SP140L: variants seen among roughly 807,000 people sequenced by gnomAD.
The protein encoded by SP140L is SP140 like nuclear body protein, also known as nuclear body protein SP140-like protein.
Under a neutral mutation model 84.3 loss-of-function variants are expected in SP140L, and 64 were observed. The ratio of observed to expected loss-of-function variants is 0.76; its 90% CI spans 0.62 to 0.94. The LOEUF is 0.94. Among genes scored for constraint, SP140L ranks in the 40% least tolerant of loss-of-function variants. SP140L has a pLI of 0.00. For missense variants in SP140L, 628 were observed against 692.5 expected (o/e 0.91, Z 1.05); for synonymous variants, 242 against 236.9 (o/e 1.02, Z -0.20).
rs769741654 is a variant in SP140L, at chr2:230,400,136, T to C, written c.1207T>C (p.Leu403=). The C allele has an allele frequency of 3.7e-6, 6 of 1,614,018 alleles. No individual in the cohort carries two copies. The highest frequency in any genetic ancestry group is 2.7e-5 in the African/African-American group (2 of 74,932). The part of the protein sequence containing the change: ...NSSVDPCMRN[L]DECEVCRDGG... ...CTGTTTTACCTTCTAGATGAGAAAC[T>C]TGGATGAGTGTGAGGTGTGCCGGGA... Residue 403 remains leucine, a synonymous_variant, in exon 15 of 19, where the codon TTG becomes CTG. Coordinates refer to ENST00000415673, the MANE Select transcript of SP140L (RefSeq NM_138402.6).
chr2:230,390,063 G>A (rs768107975), intron 11 of SP140L, 40 bp downstream of exon 11: 12 of 1,535,970 alleles, frequency 7.8e-6, no homozygotes, highest in Non-Finnish European at 2.7e-6. Flanking sequence ...GCTCCTATCT[G>A]AAGGCATCAC....
intron 10 of SP140L, 26 bp from the exon 11 acceptor site, chr2:230,389,893 C>A (rs747527698): frequency 6.2e-7 from 1 of 1,609,532 alleles, no homozygotes; most frequent in South Asian, 1.1e-5. Context: ...CAAAGTGAGA[C>A]AGAATGAAGA....
chr2:230,369,712 C>A (rs2060993326), intron 5 of SP140L, among the ~76,000 whole-genome samples: 1 of 152,142 alleles, frequency 6.6e-6, no homozygotes, highest in Admixed American at 6.5e-5. Context: ...TATAAGTAAT[C>A]AATGGCCAAT....
Position 230,359,000 on chromosome 2 carries a change from C to A in SP140L, c.307C>A (p.Gln103Lys). Residue 103 changes from glutamine to lysine, a missense_variant, in exon 4 of 19, where the codon CAA becomes AAA. By Grantham distance (53) the Gln-to-Lys change is moderately conservative (BLOSUM62 1). This residue lies in a region of SP140L where 525 missense variants were observed against 518.4 expected (regional missense o/e 1.01). Coordinates refer to ENST00000415673, the MANE Select transcript of SP140L (RefSeq NM_138402.6). Reference sequence around the variant, plus strand: ...TTCTTGTAGAAACCTGGTCCCTGTACAAAGAGTGGTGTACAATGTTCTCAG... The same window carrying A: ...TTCTTGTAGAAACCTGGTCCCTGTAAAAAGAGTGGTGTACAATGTTCTCAG... ...EDSCRNLVPVQRVVYNVLSEL... is the reference protein window; with the variant it reads ...EDSCRNLVPVKRVVYNVLSEL... The A allele has an allele frequency of 6.2e-7, 1 of 1,607,540 alleles. No individual in the cohort carries two copies. The highest frequency in any genetic ancestry group is 8.5e-7 in the Non-Finnish European group (1 of 1,178,158).
At chr2:230,345,853 T>C (rs978768402) in intron 2 of SP140L, among the ~76,000 whole-genome samples, 1 of 152,180 alleles carries the variant, frequency 6.6e-6, no homozygotes, top group African/African-American at 2.4e-5. Flanking sequence ...ACTATAGTTA[T>C]ACTTATTTAA....
intron 7 of SP140L, among the ~76,000 whole-genome samples, chr2:230,378,966 A>G (rs181638151): frequency 6.6e-6 from 1 of 152,340 alleles, no homozygotes; most frequent in Admixed American, 6.5e-5. Flanking sequence ...ATGACTTTAT[A>G]ACCTCTTAGT....
At chr2:230,355,397 G>T (rs1050448124) in intron 2 of SP140L, among the ~76,000 whole-genome samples, 1 of 152,164 alleles carries the variant, frequency 6.6e-6, no homozygotes, top group Non-Finnish European at 1.5e-5. Flanking sequence ...AGATGTGCTT[G>T]ATTTTTAAAA....
intron 5 of SP140L, among the ~76,000 whole-genome samples, chr2:230,366,322 T>C (rs1247538424): frequency 6.6e-6 from 1 of 152,148 alleles, no homozygotes; most frequent in Non-Finnish European, 1.5e-5. Flanking sequence ...TATATATTAG[T>C]GTGCAATTAT....
At chr2:230,356,486 G>A (rs968292484) in intron 2 of SP140L, among the ~76,000 whole-genome samples, 2 of 152,156 alleles carry the variant, frequency 1.3e-5, no homozygotes, top group African/African-American at 4.8e-5. Flanking sequence ...ACAAAAGCAT[G>A]TATATGTTTT....
chr2:230,401,388 A>G lies in SP140L; in HGVS notation c.1445A>G (p.Lys482Arg), dbSNP rs746263412. 6.3e-7 allele frequency: 1 copy of G among 1,585,698 alleles called. No individual in the cohort carries two copies. The highest frequency in any genetic ancestry group is 2.2e-5 in the East Asian group (1 of 44,468). The change falls in exon 17 of 19, where the codon AAA becomes AGA. Residue 482 changes from lysine (K) to arginine (R), a missense_variant. Coordinates refer to ENST00000415673, the MANE Select transcript of SP140L (RefSeq NM_138402.6). ...CAGAAATGTGAGTTCCTCCTCTTGA[A>G]AGTCTATTGCTGTTCTGAGAGCTCC... is the stretch of plus-strand genomic sequence containing the variant. ...EQLKCEFLLL[K>R]VYCCSESSFF...
chr2:230,397,954 G>C lies in SP140L; in HGVS notation c.1197+1156G>C, dbSNP rs2062126121. On this transcript the variant is annotated intron_variant, in intron 14 of 18. Transcript: ENST00000415673. ...AGGAAAACAGATCCAGCAAAGGTAT[G>C]GTCACCCCTATTAATAATTTTTCCA... 3.3e-5 allele frequency among the ~76,000 whole-genome samples: 5 copies of C among 152,038 alleles called. No homozygotes were observed. In the South Asian group the frequency reaches 1.0e-3, roughly 32 times the overall value.
intron 2 of SP140L, among the ~76,000 whole-genome samples, chr2:230,352,691 C>T (rs1354503239): frequency 6.6e-6 from 1 of 151,988 alleles, no homozygotes; most frequent in Non-Finnish European, 1.5e-5. Context: ...TCTAGTTTTT[C>T]TATGTATATA....
At chr2:230,346,712 T>C (rs2060219861) in intron 2 of SP140L, among the ~76,000 whole-genome samples, 1 of 152,224 alleles carries the variant, frequency 6.6e-6, no homozygotes, top group African/African-American at 2.4e-5. Flanking sequence ...ATTTTTTAGA[T>C]CTAGGATTTC....
intron 2 of SP140L, among the ~76,000 whole-genome samples, chr2:230,334,666 C>T (rs1364562532): frequency 6.6e-6 from 1 of 151,198 alleles, no homozygotes; most frequent in East Asian, 1.9e-4. Context: ...ATGTTGATAG[C>T]GAAACTATAA....
chr2:230,371,613 C>A lies in SP140L; in HGVS notation c.599C>A (p.Ala200Glu). ...TATTTTCTAGATACTGTGGATATTG[C>A]AAACAACTCTACTTTGGGAAAACCC... ...ACGKMDTVDI[A>E]NNSTLGKPKR... Residue 200 changes from alanine to glutamate, a missense_variant, in exon 7 of 19, where the codon GCA becomes GAA. Physicochemically the swap from Ala to Glu is moderately radical, Grantham distance 107. Transcript: ENST00000415673. 1 of 1,605,484 alleles carries A rather than the reference C, an allele frequency of 6.2e-7. No individual in the cohort carries two copies. Among genetic ancestry groups the A allele is most frequent in the Non-Finnish European group, 8.5e-7 (1 of 1,174,364 alleles).
At chr2:230,394,600 C>G (rs72996299) in intron 13 of SP140L, among the ~76,000 whole-genome samples, 40,699 of 152,030 alleles carry the variant, frequency 0.27, 5,767 homozygotes, top group Non-Finnish European at 0.31. Flanking sequence ...AAGAGTAACT[C>G]AGCCTGGGTG....
chr2:230,359,857 A>G (rs188773683), intron 4 of SP140L, among the ~76,000 whole-genome samples: 17 of 152,330 alleles, frequency 1.1e-4, no homozygotes, highest in Non-Finnish European at 4.4e-5. Context: ...CTTTACCCAC[A>G]AGGGATAAAA....
chr2:230,379,197 A>T (rs2061334276), intron 7 of SP140L, among the ~76,000 whole-genome samples: 1 of 151,954 alleles, frequency 6.6e-6, no homozygotes, highest in African/African-American at 2.4e-5. Context: ...TTTTTAATGA[A>T]TTTTTATTTG....
intron 2 of SP140L, among the ~76,000 whole-genome samples, chr2:230,344,577 A>G (rs1206144129): frequency 2.6e-5 from 4 of 152,110 alleles, no homozygotes; most frequent in African/African-American, 7.2e-5. Flanking sequence ...CTAGCTGGTT[A>G]TTTTGCAGAC....
Sources: gnomAD v4.1 joint callset for allele counts (sites outside exome capture counted in the v4.1 genomes callset) on GRCh38, gnomAD v4.1.1 for gene constraint, gnomAD v4.1.1 regional missense constraint, MANE v1.5 for transcripts, NCBI Gene and HGNC (gene_info 2026-07-23, HGNC 2026-07-21) for gene names.